NUDT5: variants seen among roughly 807,000 people sequenced by gnomAD.
NUDT5 encodes the protein nudix hydrolase 5.
NUDT5 carries 21 observed loss-of-function variants against 34.1 expected under a neutral mutation model. That is an observed-to-expected ratio of 0.62 (90% CI 0.44 to 0.89). NUDT5 has a LOEUF of 0.89. Ranked by LOEUF, NUDT5 falls within the 40% of genes least tolerant of loss-of-function variation. NUDT5 has a pLI of 0.00. For synonymous variants in NUDT5, 85 were observed against 97.6 expected (o/e 0.87, Z 0.76); for missense variants, 249 against 274.8 (o/e 0.91, Z 0.66).
chr10:12,194,708 C>T (rs1835299501), intron 1 of NUDT5, among the ~76,000 whole-genome samples: 1 of 152,182 alleles, frequency 6.6e-6, no homozygotes, highest in Non-Finnish European at 1.5e-5. Context: ...TTCTAAGGAA[C>T]ACCCTTCTGA....
chr10:12,171,530 C>T lies in NUDT5; in HGVS notation c.488-622G>A, dbSNP rs867456672. On this transcript the variant is annotated intron_variant, in intron 7 of 9. Transcript: ENST00000491614. This position sits in a 1 kb window ranked among gnomAD's most constrained non-coding sequence, Gnocchi z 4.2. ...ACAGAGGCGGCCATGAACACAGGCA[C>T]GCAAGTATATGAGTCCCTGTTTCAC... Among the ~76,000 whole-genome samples, 31 of 152,202 alleles carry T rather than the reference C, an allele frequency of 2.0e-4. No individual in the cohort carries two copies. The highest frequency in any genetic ancestry group is 6.8e-3 in the Middle Eastern group (2 of 294).
intron 9 of NUDT5, 51 bp from the exon 10 acceptor site, chr10:12,167,862 A>C (rs768723955): frequency 1.9e-6 from 3 of 1,607,904 alleles, no homozygotes; most frequent in Non-Finnish European, 2.5e-6. Flanking sequence ...GGAAGGACAA[A>C]ACATCTTATT....
Position 12,170,791 on chromosome 10 carries a change from T to G in NUDT5, c.497-21A>C. 6.2e-7 allele frequency: 1 copy of G among 1,613,906 alleles called. No individual in the cohort carries two copies. Among genetic ancestry groups the G allele is most frequent in the Non-Finnish European group, 8.5e-7 (1 of 1,179,872 alleles). ...AAACTCTAAACAGACAAAGTGCAAGTGAAAACAAAGCTAACGTCAAGAGCC... is the reference window on the plus strand; with the variant it reads ...AAACTCTAAACAGACAAAGTGCAAGGGAAAACAAAGCTAACGTCAAGAGCC... On this transcript the variant is annotated intron_variant, in intron 8 of 9. Coordinates refer to ENST00000491614, the MANE Select transcript of NUDT5 (RefSeq NM_014142.4). This position sits in a 1 kb window ranked among gnomAD's most constrained non-coding sequence, Gnocchi z 4.9.
intron 3 of NUDT5, 37 bp downstream of exon 3, chr10:12,184,852 A>G: frequency 8.1e-7 from 1 of 1,233,804 alleles, no homozygotes; most frequent in Non-Finnish European, 1.2e-6. Flanking sequence ...TGAGAACCCA[A>G]ATAACGAACA....
intron 3 of NUDT5, among the ~76,000 whole-genome samples, chr10:12,183,562 A>G (rs1835078134): frequency 6.6e-6 from 1 of 152,208 alleles, no homozygotes; most frequent in Non-Finnish European, 1.5e-5. Context: ...TCTCATACTG[A>G]TGAATTTTTA....
intron 1 of NUDT5, 127 bp downstream of exon 1, chr10:12,195,643 C>G (rs1835325084): frequency 6.5e-6 from 1 of 152,752 alleles, no homozygotes; most frequent in Admixed American, 6.5e-5. Flanking sequence ...CGCCTGGACG[C>G]GTGCCCAGCC....
At chr10:12,174,911 A>G (rs1289314095) in intron 5 of NUDT5, among the ~76,000 whole-genome samples, 1 of 134,258 alleles carries the variant, frequency 7.4e-6, no homozygotes, top group African/African-American at 2.6e-5. Flanking sequence ...AAGGCCAGAA[A>G]GGAGCAAACT....
chr10:12,181,701 G>T lies in NUDT5; in HGVS notation c.132-2569C>A. On this transcript the variant is annotated intron_variant, in intron 3 of 9. Coordinates refer to ENST00000491614, the MANE Select transcript of NUDT5 (RefSeq NM_014142.4). The surrounding 1 kb of genome is among the most constrained non-coding windows in gnomAD (Gnocchi z 5.0). The stretch of plus-strand genomic sequence containing the variant: ...GTGCGTGCAAAGGATATATCGGGCC[G>T]GGTGTGGTGGCTCACGCCTGAAACC... Among the ~76,000 whole-genome samples, 1 of 152,188 alleles carries T rather than the reference G, an allele frequency of 6.6e-6. No homozygotes were observed. Among genetic ancestry groups the T allele is most frequent in the South Asian group, 2.1e-4 (1 of 4,822 alleles).
Position 12,166,475 on chromosome 10 carries a change from A to T in NUDT5, c.*1227T>A, listed in dbSNP as rs1834698087. 1.6e-5 allele frequency: 4 copies of T among 246,494 alleles called. No homozygotes were observed. In the South Asian group the frequency reaches 1.8e-4, roughly 11 times the overall value. 15.3% of individuals were successfully genotyped at this position (246,494 alleles called of 1,614,324 possible). On this transcript the variant is annotated 3_prime_UTR_variant, in exon 10 of 10. Coordinates refer to ENST00000491614, the MANE Select transcript of NUDT5 (RefSeq NM_014142.4). The stretch of plus-strand genomic sequence containing the variant: ...GTATTTCCATAATTGTTTTATCTTT[A>T]GGAAGTCCAGTGTAAAGATCTTACA...
intron 1 of NUDT5, among the ~76,000 whole-genome samples, chr10:12,186,759 C>T (rs762873754): frequency 2.6e-5 from 4 of 151,852 alleles, no homozygotes; most frequent in Non-Finnish European, 5.9e-5. Flanking sequence ...TCCCGAGTAG[C>T]TGGGATTACA....
At chr10:12,188,235 G>C (rs906804749) in intron 1 of NUDT5, among the ~76,000 whole-genome samples, 1 of 152,066 alleles carries the variant, frequency 6.6e-6, no homozygotes, top group Non-Finnish European at 1.5e-5. Context: ...GTTTCTTCTG[G>C]GACCCAAAGT....
chr10:12,195,061 A>T (rs1299031473), intron 1 of NUDT5, among the ~76,000 whole-genome samples: 1 of 152,192 alleles, frequency 6.6e-6, no homozygotes, highest in African/African-American at 2.4e-5. Flanking sequence ...TCGAGAAGCT[A>T]AGGCAGGAGA....
At chr10:12,174,281 T>G (rs75496557) in intron 5 of NUDT5, among the ~76,000 whole-genome samples, 4 of 151,362 alleles carry the variant, frequency 2.6e-5, no homozygotes, top group African/African-American at 9.7e-5. Context: ...TTTTTTTTTT[T>G]TGAAGATGGG....
At position 12,170,294 on chromosome 10, in the gene NUDT5, AG is replaced by A. The variant is rs1172809627; in HGVS notation, c.550+422del. ...AGGAAATACCTCAAGTATTTGTTGA[AG>A]GAGCATCATCAATTTCTCCTTGAAC... is the stretch of plus-strand genomic sequence containing the variant. On this transcript the variant is annotated intron_variant, in intron 9 of 9. Transcript: ENST00000491614. This position sits in a 1 kb window ranked among gnomAD's most constrained non-coding sequence, Gnocchi z 4.9. 2 of 1,145,300 alleles carry A rather than the reference AG, an allele frequency of 1.7e-6. No individual in the cohort carries two copies. Among genetic ancestry groups the A allele is most frequent in the African/African-American group, 3.0e-5 (2 of 66,068 alleles). 70.9% of individuals were successfully genotyped at this position (1,145,300 alleles called of 1,614,324 possible).
At position 12,195,840 on chromosome 10, in the gene NUDT5, C is replaced by G; in HGVS notation, c.-112G>C. 1 of 233,172 alleles carries G rather than the reference C, an allele frequency of 4.3e-6. No individual in the cohort carries two copies. Among genetic ancestry groups the G allele is most frequent in the Non-Finnish European group, 8.7e-6 (1 of 115,122 alleles). The allele number at this position is 233,172 out of a possible 1,614,324, so 14.4% of individuals were successfully genotyped here. A position where few individuals can be genotyped will look rare whatever the true frequency, so the allele number is the denominator to read the frequency against. ...TGGAGGCAGCAGTGTCAGCCGATGC[C>G]GGTGCCACGGCTCGAAACACCGGCG... On this transcript the variant is annotated 5_prime_UTR_variant, in exon 1 of 10. Coordinates refer to ENST00000491614, the MANE Select transcript of NUDT5 (RefSeq NM_014142.4).
Position 12,173,597 on chromosome 10 carries a change from C to A in NUDT5, c.385+121G>T, listed in dbSNP as rs774785566. 13 of 791,694 alleles carry A rather than the reference C, an allele frequency of 1.6e-5. No individual in the cohort carries two copies. Among genetic ancestry groups the A allele is most frequent in the African/African-American group, 3.4e-5 (2 of 58,996 alleles). 49.0% of individuals were successfully genotyped at this position (791,694 alleles called of 1,614,324 possible). A position where few individuals can be genotyped will look rare whatever the true frequency, so the allele number is the denominator to read the frequency against. ...GGGGAGATTCCCTTACACTTGGTGA[C>A]CAGTCCTAATCTGTGATTTCTTTCT... On this transcript the variant is annotated intron_variant, in intron 6 of 9. Transcript: ENST00000491614. This position sits in a 1 kb window ranked among gnomAD's most constrained non-coding sequence, Gnocchi z 4.7.
Position 12,179,033 on chromosome 10 carries a change from A to C in NUDT5, c.181+50T>G, listed in dbSNP as rs781026077. 3.0e-5 allele frequency: 45 copies of C among 1,485,146 alleles called. 1 individual carries two copies. The Middle Eastern group carries it at 6.8e-4, about 23-fold the overall frequency. The allele number at this position is 1,485,146 out of a possible 1,614,324, so 92.0% of individuals were successfully genotyped here. On this transcript the variant is annotated intron_variant, in intron 4 of 9. Coordinates refer to ENST00000491614, the MANE Select transcript of NUDT5 (RefSeq NM_014142.4). ...TTCCATTGAAAACCCTCTTACGATCACAAGTGCTAACTTCCTTTCTAAAGG... is the reference window on the plus strand; with the variant it reads ...TTCCATTGAAAACCCTCTTACGATCCCAAGTGCTAACTTCCTTTCTAAAGG...
rs534837819 is a variant in NUDT5, at chr10:12,168,641, C to T, written c.551-830G>A. Among the ~76,000 whole-genome samples the T allele has an allele frequency of 4.6e-5, 7 of 152,254 alleles. No homozygotes were observed. Among genetic ancestry groups the T allele is most frequent in the African/African-American group, 1.7e-4 (7 of 41,550 alleles). ...AAAATCAGCCTCTTGTTTTCCTAGC[C>T]GCTTGTTTGGGAACAAGCCTGGGGA... On this transcript the variant is annotated intron_variant, in intron 9 of 9. Coordinates refer to ENST00000491614, the MANE Select transcript of NUDT5 (RefSeq NM_014142.4). The surrounding 1 kb of genome is among the most constrained non-coding windows in gnomAD (Gnocchi z 4.8).
At chr10:12,192,931 A>G (rs150561748) in intron 1 of NUDT5, among the ~76,000 whole-genome samples, 149 of 139,330 alleles carry the variant, frequency 1.1e-3, no homozygotes, top group African/African-American at 3.7e-3. Flanking sequence ...CCCACAATTG[A>G]ATTCACTTAT....
Sources: allele counts gnomAD v4.1 joint callset (sites outside exome capture counted in the v4.1 genomes callset), GRCh38; gene constraint gnomAD v4.1.1; non-coding constraint Gnocchi (gnomAD v3.1); transcripts MANE v1.5; gene names NCBI Gene and HGNC (gene_info 2026-07-23, HGNC 2026-07-21).